SESN2: variants seen among roughly 807,000 people sequenced by gnomAD.
SESN2 encodes sestrin-2.
A neutral mutation model predicts 56.0 loss-of-function variants in SESN2; 42 were observed. That is an observed-to-expected ratio of 0.75 (90% CI 0.59 to 0.97). The LOEUF (loss-of-function observed/expected upper bound fraction) is 0.97. SESN2 is among the 50% of genes least tolerant of loss of function. SESN2 has a pLI of 0.00. For synonymous variants in SESN2, 264 were observed against 267.1 expected (o/e 0.99, Z 0.11); for missense variants, 507 against 649.4 (o/e 0.78, Z 2.38).
At chr1:28,278,889 T>C (rs531904103) in intron 8 of SESN2, among the ~76,000 whole-genome samples, 3 of 152,344 alleles carry the variant, frequency 2.0e-5, no homozygotes, top group Non-Finnish European at 4.4e-5. Flanking sequence ...GCTCATTCTC[T>C]GCATTCCTTG....
Position 28,273,521 on chromosome 1 carries a change from AGGCATCCAGGCTCC to A in SESN2, c.901+14_901+27del, listed in dbSNP as rs760171134. The A allele has an allele frequency of 1.3e-6, 2 of 1,568,538 alleles. No individual in the cohort carries two copies. Among genetic ancestry groups the A allele is most frequent in the Non-Finnish European group, 1.7e-6 (2 of 1,157,550 alleles). On this transcript the variant is annotated intron_variant, in intron 6 of 9. Transcript: ENST00000253063. ...GTGACCCCCTCAGGTACAGGGTCAC[AGGCATCCAGGCTCC>A]CGTGGCTGCTCCTTCTTAGGCTATC...
chr1:28,274,286 C>CT, intron 7 of SESN2, 128 bp downstream of exon 7: 1 of 680,052 alleles, frequency 1.5e-6, no homozygotes, highest in Non-Finnish European at 2.6e-6. Context: ...AATCCCAGCA[C>CT]TTTGGGAAGC....
chr1:28,260,130 T>A (rs1356695104), intron 1 of SESN2, among the ~76,000 whole-genome samples, 193 bp downstream of exon 1: 17 of 86,998 alleles, frequency 2.0e-4, no homozygotes, highest in African/African-American at 2.7e-4. Context: ...CCCCTCTCCC[T>A]CCTTCTCCCC....
chr1:28,271,584 G>C, intron 2 of SESN2, 90 bp from the exon 3 acceptor site: 2 of 963,814 alleles, frequency 2.1e-6, no homozygotes, highest in Non-Finnish European at 3.3e-6. Flanking sequence ...TTAGTTTCTT[G>C]CCATTAAAAA....
chr1:28,260,215 G>C (rs1260028683), intron 1 of SESN2, among the ~76,000 whole-genome samples: 1 of 150,742 alleles, frequency 6.6e-6, no homozygotes, highest in Admixed American at 6.6e-5. Flanking sequence ...TCCTTCCTCG[G>C]CTCCCTCGGA....
Position 28,279,030 on chromosome 1 carries a change from G to A in SESN2, c.1212-67G>A. 4 of 1,503,182 alleles carry A rather than the reference G, an allele frequency of 2.7e-6. No homozygotes were observed. The South Asian group carries it at 3.4e-5, about 13-fold the overall frequency. The allele number at this position is 1,503,182 out of a possible 1,614,324, so 93.1% of individuals were successfully genotyped here. A position where few individuals can be genotyped will look rare whatever the true frequency, so the allele number is the denominator to read the frequency against. ...CTCTGTTCTTCCCTCTGTAGGGTGG[G>A]GTTGCGGGGAGGGAGCTGCCTTTGG... On this transcript the variant is annotated intron_variant, in intron 8 of 9. Transcript: ENST00000253063.
intron 5 of SESN2, among the ~76,000 whole-genome samples, 179 bp downstream of exon 5, chr1:28,272,972 C>T (rs1334071898): frequency 6.6e-6 from 1 of 152,146 alleles, no homozygotes; most frequent in East Asian, 1.9e-4. Context: ...GATAAAGACC[C>T]TCTACTCACA....
At position 28,280,766 on chromosome 1, in the gene SESN2, G is replaced by A. The variant is rs201438239; in HGVS notation, c.1407G>A (p.Leu469=). Residue 469 remains leucine (L), a synonymous_variant, in exon 10 of 10, where the codon CTG becomes CTA. Transcript: ENST00000253063. ...LLEARMQAAL[L]YALRAITRYM... ...AGGCGCGCATGCAAGCCGCTCTGCT[G>A]TACGCCCTCCGTGCCATCACCCGCT... 10 of 1,613,700 alleles carry A rather than the reference G, an allele frequency of 6.2e-6. No homozygotes were observed. The East Asian group carries it at 2.0e-4, about 32-fold the overall frequency.
At position 28,281,474 on chromosome 1, in the gene SESN2, T is replaced by C. The variant is rs1020764264; in HGVS notation, c.*672T>C. On this transcript the variant is annotated 3_prime_UTR_variant, in exon 10 of 10. Transcript: ENST00000253063. ...ATAAAAAAAAAAAAAGCAGATTATC[T>C]CTAGAGAGTTTGAGCCTTTGCTGGT... 22 of 151,828 alleles carry C rather than the reference T, an allele frequency of 1.4e-4. No individual in the cohort carries two copies. The highest frequency in any genetic ancestry group is 5.3e-4 in the African/African-American group (22 of 41,416). The allele number at this position is 151,828 out of a possible 1,614,324, so 9.4% of individuals were successfully genotyped here. A position where few individuals can be genotyped will look rare whatever the true frequency, so the allele number is the denominator to read the frequency against.
At chr1:28,273,609 A>C in intron 6 of SESN2, 101 bp downstream of exon 6, 1 of 1,176,782 alleles carries the variant, frequency 8.5e-7, no homozygotes, top group Non-Finnish European at 1.2e-6. Context: ...GCCACTTCTC[A>C]ACCTCCCGTC....
intron 1 of SESN2, among the ~76,000 whole-genome samples, chr1:28,260,547 C>T (rs1442499056): frequency 2.0e-5 from 3 of 152,122 alleles, no homozygotes; most frequent in Non-Finnish European, 4.4e-5. Context: ...CGGTACGCGG[C>T]GGCGGCAGCC....
chr1:28,263,381 C>G, intron 1 of SESN2, among the ~76,000 whole-genome samples: 1 of 152,206 alleles, frequency 6.6e-6, no homozygotes, highest in East Asian at 1.9e-4. Flanking sequence ...CACTCACTCA[C>G]ACCCCCTCCA....
chr1:28,274,952 G>C lies in SESN2; in HGVS notation c.1148G>C (p.Gly383Ala), dbSNP rs375196432. 230 of 1,614,092 alleles carry C rather than the reference G, an allele frequency of 1.4e-4. No individual in the cohort carries two copies. The highest frequency in any genetic ancestry group is 1.9e-4 in the Non-Finnish European group (219 of 1,180,046). Reference protein sequence around the residue: ...LTYNTIAMHSGVDTSVLRRAI... With the variant: ...LTYNTIAMHSAVDTSVLRRAI... ...TACAATACCATCGCCATGCACAGTG[G>C]TGTGGACACCTCCGTGCTCCGCAGG... Residue 383 changes from glycine to alanine, a missense_variant, in exon 8 of 10, where the codon GGT (glycine) becomes GCT (alanine). By Grantham distance (60) the Gly-to-Ala change is moderately conservative. Transcript: ENST00000253063.
intron 1 of SESN2, among the ~76,000 whole-genome samples, chr1:28,261,995 G>A (rs1027054037): frequency 1.3e-5 from 2 of 152,106 alleles, no homozygotes; most frequent in African/African-American, 4.8e-5. Flanking sequence ...TGGCCAGGCT[G>A]ATCTTGAACT....
chr1:28,261,036 G>C (rs751608013), intron 1 of SESN2, among the ~76,000 whole-genome samples: 9 of 152,096 alleles, frequency 5.9e-5, no homozygotes, highest in Non-Finnish European at 1.2e-4. Context: ...TTATGATTTC[G>C]GAGATTGCAC....
chr1:28,272,219 G>T (rs76338904), intron 3 of SESN2, 65 bp from the exon 4 acceptor site: 10 of 1,551,404 alleles, frequency 6.4e-6, no homozygotes, highest in Admixed American at 1.7e-5. Context: ...CCCTGATGGG[G>T]TACCCACCCT....
chr1:28,269,153 T>C (rs1198771271), intron 1 of SESN2, 30 bp from the exon 2 acceptor site: 6 of 1,569,674 alleles, frequency 3.8e-6, no homozygotes, highest in Non-Finnish European at 5.2e-6. Flanking sequence ...TCCCTTCTAC[T>C]ACGGACTAAC....
chr1:28,267,351 G>A (rs907588645), intron 1 of SESN2, among the ~76,000 whole-genome samples: 6 of 152,190 alleles, frequency 3.9e-5, no homozygotes, highest in African/African-American at 1.4e-4. Context: ...GGTAAAGAGA[G>A]TTTAGGCCTT....
At chr1:28,271,633 G>A (rs753069741) in intron 2 of SESN2, 41 bp from the exon 3 acceptor site, 6 of 1,522,106 alleles carry the variant, frequency 3.9e-6, no homozygotes, top group Middle Eastern at 1.9e-4. Flanking sequence ...GATGAGTGGG[G>A]CAGGAGGGAA....
Sources: allele counts gnomAD v4.1 joint callset (sites outside exome capture counted in the v4.1 genomes callset), GRCh38; gene constraint gnomAD v4.1.1; transcripts MANE v1.5; gene names NCBI Gene and HGNC (gene_info 2026-07-23, HGNC 2026-07-21).